The following ADGRL2 variants were observed in gnomAD, a reference collection of about 807,000 sequenced individuals.
ADGRL2 encodes calcium-independent alpha-latrotoxin receptor 2.
ADGRL2 carries 44 observed loss-of-function variants against 157.4 expected under a neutral mutation model. That is an observed-to-expected ratio of 0.28 (90% CI 0.22 to 0.36). The LOEUF (loss-of-function observed/expected upper bound fraction) is 0.36, where lower values mean the gene tolerates loss of function less well. Among genes scored for constraint, ADGRL2 ranks in the 10% least tolerant of loss-of-function variants. ADGRL2 has a pLI of 1.00. For synonymous variants in ADGRL2, 585 were observed against 624.7 expected (o/e 0.94, Z 0.95); for missense variants, 1,510 against 1,768.9 (o/e 0.85, Z 2.63).
At chr1:81,347,909 C>T (rs1435419592) in intron 1 of ADGRL2, among the ~76,000 whole-genome samples, 2 of 152,118 alleles carry the variant, frequency 1.3e-5, no homozygotes, top group Non-Finnish European at 2.9e-5. Flanking sequence ...ATTCTACAGG[C>T]CTTAGACCCT....
chr1:81,441,781 G>A (rs1004267537), intron 1 of ADGRL2, among the ~76,000 whole-genome samples: 3 of 152,060 alleles, frequency 2.0e-5, no homozygotes, highest in African/African-American at 7.2e-5. Flanking sequence ...CTCATGATCC[G>A]CCCGCCTTGG....
At chr1:81,858,883 A>G (rs1300291476) in intron 2 of ADGRL2, among the ~76,000 whole-genome samples, 2 of 152,142 alleles carry the variant, frequency 1.3e-5, no homozygotes, top group Non-Finnish European at 2.9e-5. Flanking sequence ...TTTTCAGTCT[A>G]CTATGGAGTT....
At chr1:81,612,479 A>C (rs1365611891) in intron 3 of ADGRL2, among the ~76,000 whole-genome samples, 2 of 152,188 alleles carry the variant, frequency 1.3e-5, no homozygotes, top group Non-Finnish European at 2.9e-5. Context: ...AAAAATAAAC[A>C]ATATTCTATG....
At chr1:81,962,800 A>G (rs1160390778) in intron 11 of ADGRL2, among the ~76,000 whole-genome samples, 1 of 152,172 alleles carries the variant, frequency 6.6e-6, no homozygotes, top group Non-Finnish European at 1.5e-5. Context: ...GATATCTTAC[A>G]TGTTAGCCAT....
chr1:81,665,091 A>C (rs1233935282), intron 3 of ADGRL2, among the ~76,000 whole-genome samples: 5 of 152,180 alleles, frequency 3.3e-5, no homozygotes, highest in African/African-American at 1.2e-4. Context: ...ATCAAGGCAC[A>C]GTGATGGCAG....
In ADGRL2 at chr1:81,333,405, TAATTA is replaced by T. The variant is rs759169157; in HGVS notation, c.-302+26898_-302+26902del. Among the ~76,000 whole-genome samples the T allele has an allele frequency of 1.1e-3, 135 of 118,042 alleles. 1 individual carries two copies. Among genetic ancestry groups the T allele is most frequent in the African/African-American group, 1.7e-3 (39 of 22,996 alleles). The allele number at this position is 118,042 out of a possible 152,430, so 77.4% of individuals were successfully genotyped here. A position where few individuals can be genotyped will look rare whatever the true frequency, so the allele number is the denominator to read the frequency against. On this transcript the variant is annotated intron_variant, in intron 1 of 24. Transcript: ENST00000370721. ...CTCCTTGACTTTTTAATTAATTAATTAATTAATTTATTTATTTATTTATTTTTTGA... is the reference window on the plus strand; with the variant it reads ...CTCCTTGACTTTTTAATTAATTAATTATTTATTTATTTATTTATTTTTTGA...
chr1:81,946,710 A>G (rs543247452), intron 6 of ADGRL2, among the ~76,000 whole-genome samples: 6 of 152,166 alleles, frequency 3.9e-5, no homozygotes, highest in Non-Finnish European at 8.8e-5. Context: ...CATAGAATTC[A>G]TACTTCCGGA....
At chr1:81,904,059 T>A (rs904030349) in intron 2 of ADGRL2, among the ~76,000 whole-genome samples, 12 of 152,040 alleles carry the variant, frequency 7.9e-5, no homozygotes, top group African/African-American at 2.2e-4. Flanking sequence ...GAAATAGACA[T>A]TACAAAGGAA....
chr1:81,609,951 G>A (rs6663129), intron 3 of ADGRL2, among the ~76,000 whole-genome samples: 4,628 of 152,206 alleles, frequency 0.03, 223 homozygotes, highest in African/African-American at 0.11. Flanking sequence ...TCTGACATTC[G>A]CTATGCTAAT....
intron 2 of ADGRL2, among the ~76,000 whole-genome samples, chr1:81,453,756 A>C (rs1336167058): frequency 3.3e-5 from 5 of 152,168 alleles, no homozygotes; most frequent in Admixed American, 1.3e-4. Flanking sequence ...CATATCTCTA[A>C]AGCCAAAAAG....
intron 17 of ADGRL2, among the ~76,000 whole-genome samples, chr1:81,979,033 C>T (rs962186638): frequency 6.6e-6 from 1 of 151,746 alleles, no homozygotes; most frequent in African/African-American, 2.4e-5. Flanking sequence ...CTTCTTCCAA[C>T]ATTCTGCCAG....
intron 3 of ADGRL2, among the ~76,000 whole-genome samples, chr1:81,588,942 G>A (rs2081079365): frequency 6.6e-6 from 1 of 152,122 alleles, no homozygotes; most frequent in Admixed American, 6.6e-5. Flanking sequence ...TTTCCCTCCT[G>A]TGGGACTTAG....
chr1:81,993,249 A>C lies in ADGRL2; in HGVS notation c.*2104A>C, dbSNP rs1436791034. Among the ~76,000 whole-genome samples, 1 of 150,556 alleles carries C rather than the reference A, an allele frequency of 6.6e-6. No homozygotes were observed. The highest frequency in any genetic ancestry group is 2.4e-5 in the African/African-American group (1 of 40,874). Reference sequence around the variant, plus strand: ...GAGAATGGTACTCATTTATTTGGCTAAAATTCTTCAGGGATTTATAAACTA... The same window carrying C: ...GAGAATGGTACTCATTTATTTGGCTCAAATTCTTCAGGGATTTATAAACTA... On this transcript the variant is annotated 3_prime_UTR_variant, in exon 24 of 24. Transcript: ENST00000686636.
At chr1:81,497,935 A>G (rs2078764204) in intron 2 of ADGRL2, among the ~76,000 whole-genome samples, 1 of 152,234 alleles carries the variant, frequency 6.6e-6, no homozygotes. Flanking sequence ...AAAAATTTGC[A>G]GTGGCTCATG....
At chr1:81,411,192 A>G (rs2076939423) in intron 1 of ADGRL2, among the ~76,000 whole-genome samples, 1 of 152,252 alleles carries the variant, frequency 6.6e-6, no homozygotes, top group Non-Finnish European at 1.5e-5. Context: ...AGCGTATGAA[A>G]GTCAGCAATA....
chr1:81,384,444 T>G (rs10874229), intron 1 of ADGRL2, among the ~76,000 whole-genome samples: 127,505 of 152,018 alleles, frequency 0.84, 54,522 homozygotes, highest in East Asian at 0.93. Context: ...GGTTGGGGAG[T>G]GTGATAGAAA....
chr1:81,722,576 G>A, intron 1 of ADGRL2: 1 of 1,475,794 alleles, frequency 6.8e-7, no homozygotes, highest in Non-Finnish European at 9.3e-7. Context: ...GCACACAGAC[G>A]CCTAGGCCAC....
chr1:81,343,601 C>G (rs1662249254), intron 1 of ADGRL2, among the ~76,000 whole-genome samples: 1 of 152,062 alleles, frequency 6.6e-6, no homozygotes, highest in South Asian at 2.1e-4. Context: ...ATTCCAAGAT[C>G]AGTGGGCCAG....
At chr1:81,625,961 T>C (rs1314622756) in intron 3 of ADGRL2, among the ~76,000 whole-genome samples, 1 of 152,184 alleles carries the variant, frequency 6.6e-6, no homozygotes, top group Non-Finnish European at 1.5e-5. Context: ...TTTCATTCTT[T>C]CATTTGCCTT....
Sources: gnomAD v4.1 joint callset for allele counts (sites outside exome capture counted in the v4.1 genomes callset) on GRCh38, gnomAD v4.1.1 for gene constraint, MANE v1.5 for transcripts, NCBI Gene and HGNC (gene_info 2026-07-23, HGNC 2026-07-21) for gene names.